TBX15: variants seen among roughly 807,000 people sequenced by gnomAD.
The protein encoded by TBX15 is T-box transcription factor 15.
A neutral mutation model predicts 53.9 loss-of-function variants in TBX15; 18 were observed. The observed-to-expected ratio is 0.33, with a 90% confidence interval of 0.23 to 0.49. TBX15 has a LOEUF of 0.49. TBX15 is among the 20% of genes least tolerant of loss of function. The pLI is 0.98. For synonymous variants in TBX15, 295 were observed against 278.0 expected (o/e 1.06, Z -0.61); for missense variants, 692 against 749.5 (o/e 0.92, Z 0.90).
intron 6 of TBX15, among the ~76,000 whole-genome samples, chr1:118,902,227 T>C (rs1654655208): frequency 6.6e-6 from 1 of 152,196 alleles, no homozygotes; most frequent in Non-Finnish European, 1.5e-5. Flanking sequence ...TACCATATTC[T>C]ACCTGTTTTA....
intron 1 of TBX15, among the ~76,000 whole-genome samples, chr1:118,947,808 T>C (rs1290598613): frequency 6.6e-6 from 1 of 152,152 alleles, no homozygotes; most frequent in Non-Finnish European, 1.5e-5. Flanking sequence ...GCTGAGAGCC[T>C]GGGTTCTCTC....
At chr1:118,900,132 CACTTAACTAA>C (rs1312775401) in intron 6 of TBX15, among the ~76,000 whole-genome samples, 1 of 152,036 alleles carries the variant, frequency 6.6e-6, no homozygotes, top group Non-Finnish European at 1.5e-5. Flanking sequence ...AAAACTGCTT[CACTTAACTAA>C]ACAGAGAGAG....
At chr1:118,892,526 G>A (rs1009020807) in intron 7 of TBX15, among the ~76,000 whole-genome samples, 11 of 152,286 alleles carry the variant, frequency 7.2e-5, no homozygotes, top group African/African-American at 2.2e-4. Context: ...TGATAGGTTT[G>A]TGAAATGCAG....
intron 6 of TBX15, among the ~76,000 whole-genome samples, chr1:118,910,599 A>T (rs529002044): frequency 3.9e-5 from 6 of 152,308 alleles, no homozygotes; most frequent in Middle Eastern, 6.8e-3. Flanking sequence ...TGTTGCCCTT[A>T]TCAGATCCTG....
At chr1:118,972,439 G>A (rs1490005200) in intron 1 of TBX15, among the ~76,000 whole-genome samples, 2 of 152,166 alleles carry the variant, frequency 1.3e-5, no homozygotes. Flanking sequence ...AAAAGCAGGA[G>A]GAACGGTGCT....
intron 1 of TBX15, among the ~76,000 whole-genome samples, chr1:118,978,932 C>T (rs575925697): frequency 6.6e-6 from 1 of 152,292 alleles, no homozygotes; most frequent in African/African-American, 2.4e-5. Flanking sequence ...CTTGTTGGCT[C>T]AAATGTTTGC....
chr1:118,918,780 A>ACTTAATAGTG (rs1655330574), intron 5 of TBX15, among the ~76,000 whole-genome samples: 1 of 152,180 alleles, frequency 6.6e-6, no homozygotes, highest in South Asian at 2.1e-4. Context: ...AATGAGGTAT[A>ACTTAATAGTG]CTTCACAGTG....
At chr1:118,923,336 G>T (rs1179818666) in intron 5 of TBX15, 100 bp downstream of exon 5, 4 of 1,441,574 alleles carry the variant, frequency 2.8e-6, no homozygotes, top group East Asian at 2.4e-5. Flanking sequence ...AAGGGTTGTT[G>T]TATGTCAAAT....
At chr1:118,888,697 T>A (rs532705706) in intron 7 of TBX15, among the ~76,000 whole-genome samples, 5 of 152,212 alleles carry the variant, frequency 3.3e-5, no homozygotes, top group Non-Finnish European at 7.3e-5. Flanking sequence ...TTGCTCTCCC[T>A]GATCTGGTGT....
At chr1:118,953,386 T>A (rs1316730260) in intron 1 of TBX15, among the ~76,000 whole-genome samples, 1 of 152,118 alleles carries the variant, frequency 6.6e-6, no homozygotes, top group East Asian at 1.9e-4. Flanking sequence ...CTGCTCCACA[T>A]CCCCAAGAGA....
intron 1 of TBX15, 54 bp from the exon 2 acceptor site, chr1:118,931,886 C>A: frequency 1.3e-6 from 2 of 1,522,920 alleles, no homozygotes; most frequent in South Asian, 1.2e-5. Context: ...TCCCCTCACC[C>A]ATGGCCCTAA....
At chr1:118,954,624 G>T (rs1397257937) in intron 1 of TBX15, among the ~76,000 whole-genome samples, 1 of 152,220 alleles carries the variant, frequency 6.6e-6, no homozygotes, top group African/African-American at 2.4e-5. Flanking sequence ...AACCATATGT[G>T]TGTGGAGAGA....
chr1:118,899,157 T>TA, intron 6 of TBX15, 32 bp from the exon 7 acceptor site: 1 of 1,596,074 alleles, frequency 6.3e-7, no homozygotes, highest in Non-Finnish European at 8.6e-7. Context: ...AAGGAAGTCA[T>TA]AAATAATTTC....
intron 1 of TBX15, among the ~76,000 whole-genome samples, chr1:118,978,464 A>G (rs1298891434): frequency 6.6e-6 from 1 of 152,208 alleles, no homozygotes; most frequent in Non-Finnish European, 1.5e-5. Flanking sequence ...CTCACTTCAC[A>G]AATGAGGCAC....
intron 6 of TBX15, 29 bp from the exon 7 acceptor site, chr1:118,899,154 T>C: frequency 1.1e-5 from 17 of 1,599,022 alleles, no homozygotes; most frequent in Non-Finnish European, 1.5e-5. Flanking sequence ...GCAAAGGAAG[T>C]CATAAATAAT....
intron 1 of TBX15, among the ~76,000 whole-genome samples, chr1:118,951,853 TG>T (rs1656525461): frequency 6.6e-6 from 1 of 152,186 alleles, no homozygotes; most frequent in Non-Finnish European, 1.5e-5. Flanking sequence ...GTGCCATCCC[TG>T]GGCAAGGGTG....
chr1:118,948,406 C>A (rs1483820435), intron 1 of TBX15, among the ~76,000 whole-genome samples: 3 of 152,094 alleles, frequency 2.0e-5, no homozygotes, highest in Admixed American at 6.6e-5. Context: ...AATCCAATGG[C>A]AAAATGTTCC....
chr1:118,959,060 G>C lies in TBX15; in HGVS notation c.206-27228C>G, dbSNP rs115390600. ...AGAGAGAGAGAGAGAGAGAGTATGT[G>C]TGTGTGAAGTTAAACATATACTCTG... On this transcript the variant is annotated intron_variant, in intron 1 of 7. Transcript: ENST00000369429. Among the ~76,000 whole-genome samples, 1,384 of 152,206 alleles carry C rather than the reference G, an allele frequency of 9.1e-3. 23 individuals carry two copies. Among genetic ancestry groups the C allele is most frequent in the African/African-American group, 0.031 (1,303 of 41,498 alleles).
chr1:118,924,751 A>T lies in TBX15; in HGVS notation c.588T>A (p.Val196=). ...AAGCTAGAGAATCAGGGTGTATATA[A>T]ACTCTTGGGGGCACAGGGGAATCAG... ...GNADSPVPPR[V]YIHPDSLASG... Residue 196 remains valine (V), a synonymous_variant, in exon 4 of 8, where the codon GTT becomes GTA. Coordinates refer to ENST00000369429, the MANE Select transcript of TBX15 (RefSeq NM_001330677.2). 6.2e-7 allele frequency: 1 copy of T among 1,614,042 alleles called. No homozygotes were observed. Among genetic ancestry groups the T allele is most frequent in the Non-Finnish European group, 8.5e-7 (1 of 1,179,978 alleles).
Sources: gnomAD v4.1 joint callset for allele counts (sites outside exome capture counted in the v4.1 genomes callset) on GRCh38, gnomAD v4.1.1 for gene constraint, MANE v1.5 for transcripts, NCBI Gene and HGNC (gene_info 2026-07-23, HGNC 2026-07-21) for gene names.